Variants in BCAR3 observed in about 807,000 individuals in gnomAD.
The protein encoded by BCAR3 is breast cancer anti-estrogen resistance protein 3.
In BCAR3, 37 loss-of-function variants were observed where a neutral mutation model predicts 80.1. The ratio of observed to expected loss-of-function variants is 0.46; its 90% CI spans 0.36 to 0.61. BCAR3 has a LOEUF of 0.61. Among genes scored for constraint, BCAR3 ranks in the 20% least tolerant of loss-of-function variants. BCAR3 has a pLI of 0.00. For missense variants in BCAR3, 978 were observed against 1,068.2 expected, an observed-to-expected ratio of 0.92 and a Z score of 1.18; for synonymous variants, 389 against 418.9, an observed-to-expected ratio of 0.93 and a Z score of 0.87.
At chr1:93,645,735 T>G (rs1676134359) in intron 2 of BCAR3, among the ~76,000 whole-genome samples, 1 of 150,300 alleles carries the variant, frequency 6.7e-6, no homozygotes, top group African/African-American at 2.4e-5. Flanking sequence ...TATTATACAT[T>G]ATATATACAT....
chr1:93,583,789 C>T (rs1380514010), intron 6 of BCAR3, among the ~76,000 whole-genome samples: 1 of 152,160 alleles, frequency 6.6e-6, no homozygotes, highest in Non-Finnish European at 1.5e-5. Context: ...TGTGAAATGG[C>T]AATAATCATG....
At chr1:93,568,500 T>C (rs1673061376) in intron 9 of BCAR3, among the ~76,000 whole-genome samples, 1 of 152,224 alleles carries the variant, frequency 6.6e-6, no homozygotes, top group Admixed American at 6.5e-5. Context: ...ACTCTTGTTA[T>C]AATAGAAATC....
At chr1:93,734,740 T>C (rs1650917107) in intron 2 of BCAR3, among the ~76,000 whole-genome samples, 1 of 152,158 alleles carries the variant, frequency 6.6e-6, no homozygotes, top group South Asian at 2.1e-4. Flanking sequence ...GAGATGTTAC[T>C]GGGCCAATCA....
intron 3 of BCAR3, among the ~76,000 whole-genome samples, chr1:93,610,922 A>G (rs971432024): frequency 3.3e-4 from 49 of 149,116 alleles, no homozygotes; most frequent in Admixed American, 2.9e-3. Context: ...CTACGTCTCA[A>G]AAAAAAAAAA....
intron 2 of BCAR3, among the ~76,000 whole-genome samples, chr1:93,665,919 C>T (rs190865592): frequency 1.2e-4 from 18 of 152,192 alleles, no homozygotes; most frequent in Admixed American, 2.0e-4. Flanking sequence ...ACCTCTCCCC[C>T]ACCCCACCAT....
At chr1:93,838,834 T>C (rs1654860352) in intron 2 of BCAR3, among the ~76,000 whole-genome samples, 1 of 152,072 alleles carries the variant, frequency 6.6e-6, no homozygotes, top group Admixed American at 6.5e-5. Context: ...TATAATAAAA[T>C]GCACAGAATG....
At chr1:93,771,253 C>T (rs572529752) in intron 2 of BCAR3, among the ~76,000 whole-genome samples, 1 of 152,158 alleles carries the variant, frequency 6.6e-6, no homozygotes, top group Non-Finnish European at 1.5e-5. Context: ...TGAGGTTACA[C>T]AGGCAATCTA....
At chr1:93,632,887 C>T (rs1167300253) in intron 3 of BCAR3, among the ~76,000 whole-genome samples, 1 of 152,030 alleles carries the variant, frequency 6.6e-6, no homozygotes, top group East Asian at 1.9e-4. Flanking sequence ...GGCGTGGTGG[C>T]GGGTGCCTAT....
intron 7 of BCAR3, among the ~76,000 whole-genome samples, chr1:93,576,960 G>A (rs1673484192): frequency 6.6e-6 from 1 of 152,118 alleles, no homozygotes; most frequent in Admixed American, 6.5e-5. Flanking sequence ...TTTGAGACCA[G>A]CTGAGCAACA....
At chr1:93,619,421 TATCC>T (rs1675243739) in intron 3 of BCAR3, among the ~76,000 whole-genome samples, 1 of 152,194 alleles carries the variant, frequency 6.6e-6, no homozygotes, top group Non-Finnish European at 1.5e-5. Flanking sequence ...CTTGGAGTCT[TATCC>T]ATCCAAGATG....
chr1:93,591,428 T>C (rs236324), intron 4 of BCAR3, among the ~76,000 whole-genome samples: 2,072 of 152,184 alleles, frequency 0.014, 49 homozygotes, highest in African/African-American at 0.046. Context: ...TGAGCTGAGA[T>C]TGTGCTATTG....
At chr1:93,800,851 T>C (rs544069693) in intron 2 of BCAR3, among the ~76,000 whole-genome samples, 40 of 152,320 alleles carry the variant, frequency 2.6e-4, no homozygotes, top group African/African-American at 9.6e-4. Flanking sequence ...AATTTCCCTA[T>C]TGGAAAGGCA....
rs1654217011 is a variant in BCAR3, at chr1:93,821,369, CTG to C, written c.-63+24196_-63+24197del. On this transcript the variant is annotated intron_variant, in intron 2 of 13. Coordinates refer to the BCAR3 transcript ENST00000370244. The stretch of plus-strand genomic sequence containing the variant: ...AAGGCCTGTAGAGAGCTCTGTGAAA[CTG>C]TGGGTGGATGTCTTCGATTTCTCTT... 1.3e-5 allele frequency among the ~76,000 whole-genome samples: 2 copies of C among 152,202 alleles called. 1 individual carries two copies. The highest frequency in any genetic ancestry group is 4.1e-4 in the South Asian group (2 of 4,834).
Position 93,681,706 on chromosome 1 carries a change from C to T in BCAR3, c.-120G>A, listed in dbSNP as rs962685422. On this transcript the variant is annotated 5_prime_UTR_variant, in exon 1 of 12. Coordinates refer to ENST00000260502, the MANE Select transcript of BCAR3 (RefSeq NM_003567.4). ...GCACCGCCCGCGCCGCGGCTGCTCC[C>T]GGAGCTGGGGACGCTCATGGTCCGC... 1 of 151,782 alleles carries T rather than the reference C, an allele frequency of 6.6e-6. No individual in the cohort carries two copies. Among genetic ancestry groups the T allele is most frequent in the Non-Finnish European group, 1.5e-5 (1 of 67,928 alleles). The allele number at this position is 151,782 out of a possible 1,614,324, so 9.4% of individuals were successfully genotyped here.
intron 2 of BCAR3, among the ~76,000 whole-genome samples, chr1:93,790,461 T>A (rs567192470): frequency 1.4e-4 from 21 of 152,194 alleles, no homozygotes; most frequent in South Asian, 1.2e-3. Context: ...GAGTTCCAAT[T>A]CCCAAAAATA....
At chr1:93,589,456 C>T (rs750896888) in intron 4 of BCAR3, 37 bp from the exon 5 acceptor site, 22 of 1,543,448 alleles carry the variant, frequency 1.4e-5, no homozygotes, top group Middle Eastern at 1.7e-4. Flanking sequence ...GTAGGAAAGG[C>T]AAATTCACAT....
intron 2 of BCAR3, among the ~76,000 whole-genome samples, chr1:93,840,852 T>C (rs1187301531): frequency 6.6e-6 from 1 of 152,198 alleles, no homozygotes; most frequent in African/African-American, 2.4e-5. Flanking sequence ...AGCTTCCTTA[T>C]TGCCTACAGG....
At chr1:93,651,237 G>A (rs1020684238) in intron 2 of BCAR3, among the ~76,000 whole-genome samples, 8 of 152,138 alleles carry the variant, frequency 5.3e-5, no homozygotes, top group South Asian at 2.1e-4. Flanking sequence ...CAAATATTCC[G>A]TTTAGGCACA....
At chr1:93,643,156 G>C (rs970698230) in intron 2 of BCAR3, among the ~76,000 whole-genome samples, 1 of 151,530 alleles carries the variant, frequency 6.6e-6, no homozygotes, top group East Asian at 1.9e-4. Flanking sequence ...GAACCCAGGA[G>C]GCAGAGGTTG....
Sources: allele counts gnomAD v4.1 joint callset (sites outside exome capture counted in the v4.1 genomes callset), GRCh38; gene constraint gnomAD v4.1.1; transcripts MANE v1.5; gene names NCBI Gene and HGNC (gene_info 2026-07-23, HGNC 2026-07-21).